SPOCK1: variants seen among roughly 807,000 people sequenced by gnomAD.
SPOCK1 encodes the protein SPARC (osteonectin), cwcv and kazal like domains proteoglycan 1.
Under a neutral mutation model 55.3 loss-of-function variants are expected in SPOCK1, and 23 were observed. The ratio of observed to expected loss-of-function variants is 0.42; its 90% CI spans 0.30 to 0.59. SPOCK1 has a LOEUF of 0.59. SPOCK1 is among the 20% of genes least tolerant of loss of function. The pLI, the probability that SPOCK1 is intolerant of heterozygous loss-of-function variation, is 0.22. For synonymous variants in SPOCK1, 226 were observed against 221.0 expected, an observed-to-expected ratio of 1.02 and a Z score of -0.20; for missense variants, 499 against 552.5, an observed-to-expected ratio of 0.90 and a Z score of 0.97.
At chr5:137,332,067 G>A (rs902112362) in intron 2 of SPOCK1, among the ~76,000 whole-genome samples, 1 of 152,148 alleles carries the variant, frequency 6.6e-6, no homozygotes, top group African/African-American at 2.4e-5. Context: ...AGGCCTGCAA[G>A]GCCCCAGGTG....
chr5:137,358,209 C>T (rs558239057), intron 2 of SPOCK1, among the ~76,000 whole-genome samples: 2 of 151,990 alleles, frequency 1.3e-5, no homozygotes, highest in African/African-American at 4.8e-5. Context: ...CTGAACAAAT[C>T]AGTCACTTTC....
chr5:137,013,102 A>G (rs936967022), intron 6 of SPOCK1, among the ~76,000 whole-genome samples: 3 of 152,182 alleles, frequency 2.0e-5, no homozygotes, highest in African/African-American at 7.2e-5. Context: ...ATATAATAAA[A>G]GGTTAACAGT....
chr5:137,311,096 A>C (rs1335412764), intron 2 of SPOCK1, among the ~76,000 whole-genome samples: 1 of 152,202 alleles, frequency 6.6e-6, no homozygotes, highest in Admixed American at 6.5e-5. Context: ...GGGTACTAGG[A>C]TCTCAGGCCA....
intron 6 of SPOCK1, among the ~76,000 whole-genome samples, chr5:137,044,968 T>A (rs1580723357): frequency 2.2e-5 from 3 of 138,996 alleles, no homozygotes; most frequent in African/African-American, 5.4e-5. Flanking sequence ...ACAAAGGACA[T>A]GAACTCATCA....
chr5:137,076,013 GC>G (rs1484893674), intron 5 of SPOCK1, among the ~76,000 whole-genome samples: 2 of 152,210 alleles, frequency 1.3e-5, no homozygotes, highest in Non-Finnish European at 2.9e-5. Context: ...AAGTTCCTGG[GC>G]CTGTCATCCT....
intron 6 of SPOCK1, among the ~76,000 whole-genome samples, chr5:137,060,099 T>C (rs1240986587): frequency 1.3e-5 from 2 of 152,232 alleles, no homozygotes; most frequent in African/African-American, 2.4e-5. Context: ...CATTATTGGG[T>C]ATTTACCCAA....
intron 5 of SPOCK1, among the ~76,000 whole-genome samples, chr5:137,081,412 C>T (rs1303367881): frequency 6.6e-6 from 1 of 152,124 alleles, no homozygotes; most frequent in African/African-American, 2.4e-5. Context: ...TAAGCACATC[C>T]ACCAATTTCT....
chr5:137,395,661 G>A (rs768076662), intron 2 of SPOCK1, among the ~76,000 whole-genome samples: 9 of 152,234 alleles, frequency 5.9e-5, no homozygotes, highest in Non-Finnish European at 1.2e-4. Context: ...AGAAGGCAGG[G>A]CTATGGTGAG....
At chr5:137,267,079 C>T (rs889310028) in intron 2 of SPOCK1, 24 bp from the exon 3 acceptor site, 2 of 1,604,344 alleles carry the variant, frequency 1.2e-6, no homozygotes, top group African/African-American at 2.7e-5. Context: ...AAATAGAAAA[C>T]AAAGGTCAGA....
chr5:137,112,042 C>T (rs1259681029), intron 5 of SPOCK1, among the ~76,000 whole-genome samples: 1 of 152,084 alleles, frequency 6.6e-6, no homozygotes, highest in East Asian at 1.9e-4. Flanking sequence ...TGTCACACCC[C>T]TTCCTTCCAC....
chr5:137,304,878 C>G (rs1453028384), intron 2 of SPOCK1, among the ~76,000 whole-genome samples: 1 of 152,082 alleles, frequency 6.6e-6, no homozygotes, highest in Non-Finnish European at 1.5e-5. Context: ...TTTGTATGTT[C>G]GGCAGGGGAG....
chr5:137,451,911 T>A (rs890025369), intron 2 of SPOCK1, among the ~76,000 whole-genome samples: 4 of 152,224 alleles, frequency 2.6e-5, no homozygotes, highest in Non-Finnish European at 4.4e-5. Flanking sequence ...AAAGGTTGAG[T>A]TTCCCTTATC....
At chr5:137,318,513 C>T (rs1007418074) in intron 2 of SPOCK1, among the ~76,000 whole-genome samples, 2 of 152,146 alleles carry the variant, frequency 1.3e-5, no homozygotes, top group African/African-American at 4.8e-5. Flanking sequence ...CTCTCAGTAC[C>T]TTGAGAAGAG....
intron 3 of SPOCK1, among the ~76,000 whole-genome samples, chr5:137,156,866 C>A (rs1356947219): frequency 6.6e-6 from 1 of 152,074 alleles, no homozygotes; most frequent in Non-Finnish European, 1.5e-5. Flanking sequence ...GCACCAGAGG[C>A]CATGAAGAGT....
At chr5:137,261,471 T>C (rs1356365283) in intron 3 of SPOCK1, among the ~76,000 whole-genome samples, 1 of 152,186 alleles carries the variant, frequency 6.6e-6, no homozygotes, top group Non-Finnish European at 1.5e-5. Flanking sequence ...AGGATTTGAG[T>C]TTGTCAGGAT....
intron 6 of SPOCK1, among the ~76,000 whole-genome samples, chr5:136,997,136 A>G (rs1751057436): frequency 6.6e-6 from 1 of 152,078 alleles, no homozygotes; most frequent in African/African-American, 2.4e-5. Context: ...CACAATCTCC[A>G]TCTGCTCCAA....
Position 137,248,096 on chromosome 5 carries a change from A to G in SPOCK1, c.232+18914T>C, listed in dbSNP as rs116744773. 6.1e-3 allele frequency among the ~76,000 whole-genome samples: 936 copies of G among 152,328 alleles called. 13 individuals carry two copies. Among genetic ancestry groups the G allele is most frequent in the African/African-American group, 0.021 (872 of 41,562 alleles). On this transcript the variant is annotated intron_variant, in intron 3 of 10. Coordinates refer to ENST00000394945, the MANE Select transcript of SPOCK1 (RefSeq NM_004598.4). ...TGTTCTTACCTATTTCCCTACACAT[A>G]ACTTAGAGGTGAAGGATTAGCTACC...
At chr5:137,157,409 A>C (rs1754437351) in intron 3 of SPOCK1, among the ~76,000 whole-genome samples, 1 of 152,230 alleles carries the variant, frequency 6.6e-6, no homozygotes, top group Admixed American at 6.5e-5. Context: ...TAATTAATTT[A>C]GCAATCCTCT....
At chr5:137,168,826 C>T (rs192936492) in intron 3 of SPOCK1, among the ~76,000 whole-genome samples, 3 of 152,230 alleles carry the variant, frequency 2.0e-5, no homozygotes, top group East Asian at 1.9e-4. Flanking sequence ...TAGAGCTACA[C>T]TATTATCCAG....
Sources: gnomAD v4.1 joint callset for allele counts (sites outside exome capture counted in the v4.1 genomes callset) on GRCh38, gnomAD v4.1.1 for gene constraint, MANE v1.5 for transcripts, NCBI Gene and HGNC (gene_info 2026-07-23, HGNC 2026-07-21) for gene names.